The following CSGALNACT1 variants were observed in gnomAD, a reference collection of about 807,000 sequenced individuals.
CSGALNACT1 encodes chondroitin sulfate N-acetylgalactosaminyltransferase 1.
CSGALNACT1 carries 52 observed loss-of-function variants against 51.0 expected under a neutral mutation model. That is an observed-to-expected ratio of 1.02 (90% CI 0.82 to 1.29). The LOEUF is 1.29. Ranked by LOEUF, CSGALNACT1 falls within the 50% of genes most tolerant of loss-of-function variation. The probability of loss-of-function intolerance (pLI) is 0.00; values close to 1 mark genes in which losing one functional copy is unlikely to be tolerated. For synonymous variants in CSGALNACT1, 341 were observed against 254.4 expected, an observed-to-expected ratio of 1.34 and a Z score of -3.24; for missense variants, 935 against 679.2, an observed-to-expected ratio of 1.38 and a Z score of -4.19.
At chr8:19,509,139 T>C (rs1356615340) in intron 3 of CSGALNACT1, among the ~76,000 whole-genome samples, 1 of 152,234 alleles carries the variant, frequency 6.6e-6, no homozygotes, top group African/African-American at 2.4e-5. Context: ...AATTCCATTC[T>C]TTAACAGACA....
intron 1 of CSGALNACT1, among the ~76,000 whole-genome samples, chr8:19,611,127 C>T (rs1310165996): frequency 6.6e-6 from 1 of 152,186 alleles, no homozygotes; most frequent in African/African-American, 2.4e-5. Context: ...ATTAAGACAC[C>T]TGTTGCATGA....
intron 6 of CSGALNACT1, among the ~76,000 whole-genome samples, chr8:19,425,905 C>G (rs1032945460): frequency 4.6e-5 from 7 of 152,176 alleles, no homozygotes; most frequent in Admixed American, 1.3e-4. Context: ...ATCACCGCCC[C>G]TCCTGTGCCT....
intron 3 of CSGALNACT1, among the ~76,000 whole-genome samples, chr8:19,520,400 A>C (rs2975469): frequency 0.46 from 69,315 of 152,124 alleles, 17,655 homozygotes; most frequent in African/African-American, 0.71. Flanking sequence ...TGCAGACAAT[A>C]TTTTTAAGGC....
At chr8:19,688,093 T>C (rs1180937300) in intron 1 of CSGALNACT1, among the ~76,000 whole-genome samples, 2 of 152,202 alleles carry the variant, frequency 1.3e-5, no homozygotes, top group East Asian at 3.8e-4. Context: ...ATTTCCCATT[T>C]TACACATGGC....
chr8:19,477,417 C>G (rs2070014689), intron 4 of CSGALNACT1, among the ~76,000 whole-genome samples: 2 of 152,150 alleles, frequency 1.3e-5, no homozygotes. Context: ...GAAAACTTTT[C>G]CAGCGGACGA....
chr8:19,676,084 T>TAAAAAAAAAAA lies in CSGALNACT1; in HGVS notation c.-544+6388_-544+6389insTTTTTTTTTTT, dbSNP rs148674039. 5.9e-4 allele frequency among the ~76,000 whole-genome samples: 63 copies of TAAAAAAAAAAA among 106,160 alleles called. 1 individual carries two copies. Among genetic ancestry groups the TAAAAAAAAAAA allele is most frequent in the African/African-American group, 1.9e-3 (52 of 27,128 alleles). 69.6% of individuals were successfully genotyped at this position (106,160 alleles called of 152,430 possible). ...CACGATGGATGGTGGTTGTCTGATT[T>TAAAAAAAAAAA]AAAAAACAAAACAAAACAAAAAAAA... On this transcript the variant is annotated intron_variant, in intron 1 of 9. Transcript: ENST00000332246.
intron 1 of CSGALNACT1, among the ~76,000 whole-genome samples, chr8:19,695,424 G>C (rs1031339005): frequency 6.6e-6 from 1 of 152,150 alleles, no homozygotes; most frequent in African/African-American, 2.4e-5. Context: ...TGCGGCCAGA[G>C]TGCACTTCAC....
chr8:19,674,206 T>C (rs901666023), intron 1 of CSGALNACT1, among the ~76,000 whole-genome samples: 1 of 152,108 alleles, frequency 6.6e-6, no homozygotes, highest in Non-Finnish European at 1.5e-5. Flanking sequence ...GGCAGGAGAA[T>C]TGTTCGAACC....
intron 4 of CSGALNACT1, among the ~76,000 whole-genome samples, chr8:19,472,660 A>T (rs190535176): frequency 1.3e-5 from 2 of 152,366 alleles, no homozygotes; most frequent in African/African-American, 4.8e-5. Context: ...CTCGGCAATC[A>T]AAAGGATGTT....
At chr8:19,408,879 C>A (rs1013226278) in intron 8 of CSGALNACT1, among the ~76,000 whole-genome samples, 185 bp from the exon 8 acceptor site, 1 of 151,506 alleles carries the variant, frequency 6.6e-6, no homozygotes, top group Non-Finnish European at 1.5e-5. Context: ...AGTACACACA[C>A]CAGTCCCAAA....
chr8:19,550,045 T>C (rs570083522), intron 3 of CSGALNACT1, among the ~76,000 whole-genome samples: 1 of 152,344 alleles, frequency 6.6e-6, no homozygotes, highest in South Asian at 2.1e-4. Context: ...TGCTGGGCAC[T>C]TAATGTACTC....
intron 3 of CSGALNACT1, among the ~76,000 whole-genome samples, chr8:19,563,948 C>A (rs114318238): frequency 1.8e-3 from 271 of 152,126 alleles, no homozygotes; most frequent in African/African-American, 6.3e-3. Context: ...CACCACGCTG[C>A]GGCTGTTTCT....
At chr8:19,497,358 C>T (rs79871503) in intron 4 of CSGALNACT1, among the ~76,000 whole-genome samples, 23,143 of 152,038 alleles carry the variant, frequency 0.15, 1,879 homozygotes, top group Middle Eastern at 0.24. Flanking sequence ...ACCTCTACCC[C>T]AAACACAAGG....
chr8:19,442,777 G>C (rs1295837479), intron 5 of CSGALNACT1, among the ~76,000 whole-genome samples: 1 of 151,694 alleles, frequency 6.6e-6, no homozygotes. Context: ...GAGAGGATGA[G>C]ACTAGAATCC....
intron 3 of CSGALNACT1, among the ~76,000 whole-genome samples, chr8:19,522,177 T>A (rs1439748705): frequency 6.6e-6 from 1 of 152,172 alleles, no homozygotes; most frequent in Non-Finnish European, 1.5e-5. Flanking sequence ...GTGAGCTAAA[T>A]TAAGGTCAAA....
chr8:19,408,836 T>A lies in CSGALNACT1; in HGVS notation c.1228-142A>T, dbSNP rs1585328891. On this transcript the variant is annotated intron_variant, in intron 8 of 9. Transcript: ENST00000454498. ...CCTCCACTGGTGCAGGAAACGCAGATGGATTTGAGTCCTTGCAGACAGTCA... is the reference window on the plus strand; with the variant it reads ...CCTCCACTGGTGCAGGAAACGCAGAAGGATTTGAGTCCTTGCAGACAGTCA... 6 of 747,240 alleles carry A rather than the reference T, an allele frequency of 8.0e-6. No individual in the cohort carries two copies. The East Asian group carries it at 1.6e-4, about 20-fold the overall frequency. The allele number at this position is 747,240 out of a possible 1,614,324, so 46.3% of individuals were successfully genotyped here. A position where few individuals can be genotyped will look rare whatever the true frequency, so the allele number is the denominator to read the frequency against.
At chr8:19,505,255 G>C (rs772136135) in exon 4 of CSGALNACT1, 1 of 1,614,114 alleles carries the variant, frequency 6.2e-7, no homozygotes. Flanking sequence ...TTCTCTGCAG[G>C]ACTGTTCAGG....
chr8:19,651,104 G>A (rs1209711462), intron 1 of CSGALNACT1, among the ~76,000 whole-genome samples: 1 of 152,126 alleles, frequency 6.6e-6, no homozygotes, highest in African/African-American at 2.4e-5. Flanking sequence ...TTCTGAAAAG[G>A]GTCAGATGGT....
At chr8:19,495,500 A>C (rs2075296827) in intron 4 of CSGALNACT1, among the ~76,000 whole-genome samples, 1 of 152,184 alleles carries the variant, frequency 6.6e-6, no homozygotes, top group Non-Finnish European at 1.5e-5. Context: ...TCTAACTTTG[A>C]AAGTCAGAAT....
Sources: allele counts gnomAD v4.1 joint callset (sites outside exome capture counted in the v4.1 genomes callset), GRCh38; gene constraint gnomAD v4.1.1; transcripts MANE v1.5; gene names NCBI Gene and HGNC (gene_info 2026-07-23, HGNC 2026-07-21).